Variants in MMP26 observed in about 807,000 individuals in gnomAD.
The protein encoded by MMP26 is matrix metallopeptidase 26.
MMP26 carries 33 observed loss-of-function variants against 31.0 expected under a neutral mutation model. The ratio of observed to expected loss-of-function variants is 1.06; its 90% CI spans 0.81 to 1.42. MMP26 has a LOEUF of 1.42. Among genes scored for constraint, MMP26 ranks in the 40% most tolerant of loss-of-function variants. The probability of loss-of-function intolerance (pLI) is 0.00; values close to 1 mark genes in which losing one functional copy is unlikely to be tolerated. For synonymous variants in MMP26, 122 were observed against 114.9 expected, an observed-to-expected ratio of 1.06 and a Z score of -0.40; for missense variants, 347 against 316.1, an observed-to-expected ratio of 1.10 and a Z score of -0.74.
intron 2 of MMP26, among the ~76,000 whole-genome samples, chr11:4,886,354 C>T (rs12294845): frequency 4.6e-5 from 7 of 152,096 alleles, no homozygotes; most frequent in African/African-American, 1.2e-4. Context: ...CATTAAACTT[C>T]GTAAGTCTTT....
intron 2 of MMP26, chr11:4,804,519 TA>T (rs1849237572): frequency 1.3e-6 from 1 of 791,296 alleles, no homozygotes; most frequent in Non-Finnish European, 2.3e-6. Flanking sequence ...GATTATAAAC[TA>T]GAATAATTTC....
rs1846404728 is a variant in MMP26, at chr11:4,954,301, C to T, written c.-144-33767C>T. On this transcript the variant is annotated intron_variant, in intron 2 of 7. Transcript: ENST00000380390. ...GGGTACTATGCTCACTACCTGGGTC[C>T]AATACCCATGTAAAAATCCAACCCA... 1.6e-5 allele frequency among the ~76,000 whole-genome samples: 2 copies of T among 123,524 alleles called. 1 individual carries two copies. The highest frequency in any genetic ancestry group is 5.5e-5 in the African/African-American group (2 of 36,252). The allele number at this position is 123,524 out of a possible 152,430, so 81.0% of individuals were successfully genotyped here.
At chr11:4,825,706 C>A (rs796328376) in intron 2 of MMP26, among the ~76,000 whole-genome samples, 3 of 152,056 alleles carry the variant, frequency 2.0e-5, no homozygotes, top group African/African-American at 7.2e-5. Flanking sequence ...AATTGTGATG[C>A]CATTGAATTT....
At chr11:4,906,485 T>A (rs1356969661) in intron 2 of MMP26, among the ~76,000 whole-genome samples, 3 of 152,202 alleles carry the variant, frequency 2.0e-5, no homozygotes, top group Non-Finnish European at 4.4e-5. Flanking sequence ...TGATGTAACA[T>A]GTATATTTAC....
chr11:4,915,661 C>T (rs972806573), intron 2 of MMP26: 2 of 1,608,432 alleles, frequency 1.2e-6, no homozygotes, highest in East Asian at 2.2e-5. Flanking sequence ...ATCCCAGGGT[C>T]ATTGTGTGAG....
intron 1 of MMP26, among the ~76,000 whole-genome samples, chr11:4,708,815 C>T (rs1462222291): frequency 6.6e-6 from 1 of 152,166 alleles, no homozygotes. Context: ...CAGTTATTAT[C>T]CATGACTTTC....
intron 1 of MMP26, among the ~76,000 whole-genome samples, chr11:4,746,899 G>A (rs1848389468): frequency 6.6e-6 from 1 of 150,666 alleles, no homozygotes; most frequent in African/African-American, 2.5e-5. Flanking sequence ...TTGGAATAAT[G>A]TTCTTGGTCT....
At chr11:4,710,189 T>A in intron 1 of MMP26, 1 of 456,816 alleles carries the variant, frequency 2.2e-6, no homozygotes, top group Non-Finnish European at 4.4e-6. Context: ...TTGTTATCTC[T>A]ACTGCTGGCT....
intron 2 of MMP26, chr11:4,877,921 C>A (rs937570185): frequency 1.3e-5 from 2 of 152,030 alleles, no homozygotes; most frequent in African/African-American, 4.8e-5. Flanking sequence ...TTTGGTATAT[C>A]GTTTTACAAG....
At chr11:4,791,742 A>T (rs1250734189) in intron 2 of MMP26, among the ~76,000 whole-genome samples, 3 of 152,094 alleles carry the variant, frequency 2.0e-5, no homozygotes, top group Non-Finnish European at 4.4e-5. Context: ...TGAATTGAGT[A>T]TTTCAAAAAG....
At chr11:4,958,954 A>T (rs1031253041) in intron 2 of MMP26, among the ~76,000 whole-genome samples, 1 of 152,176 alleles carries the variant, frequency 6.6e-6, no homozygotes, top group Non-Finnish European at 1.5e-5. Flanking sequence ...AATGCAGAAG[A>T]TAGGCCGGGC....
intron 2 of MMP26, among the ~76,000 whole-genome samples, chr11:4,910,963 C>T (rs1173992562): frequency 6.6e-6 from 1 of 152,164 alleles, no homozygotes; most frequent in African/African-American, 2.4e-5. Flanking sequence ...TTCCTTTCCT[C>T]CTGCTACAAT....
At chr11:4,882,613 A>C (rs748966361) in intron 2 of MMP26, 43 of 1,613,936 alleles carry the variant, frequency 2.7e-5, no homozygotes, top group Non-Finnish European at 3.6e-5. Context: ...AGCAACAAAA[A>C]GCTCTCAGCA....
chr11:4,849,899 T>C (rs1589919134), intron 2 of MMP26, among the ~76,000 whole-genome samples: 3 of 152,202 alleles, frequency 2.0e-5, no homozygotes, highest in Non-Finnish European at 4.4e-5. Context: ...GTGCATGTGG[T>C]ATTTTGTTAC....
chr11:4,716,650 CTTTTTTTTTTTTTTTTTTT>C (rs71050424), intron 1 of MMP26, among the ~76,000 whole-genome samples: 1 of 65,004 alleles, frequency 1.5e-5, no homozygotes, highest in African/African-American at 6.8e-5. Flanking sequence ...TCTCTTACCT[CTTTTTTTTTTTTTTTTTTT>C]TTTTTTTTTG....
intron 2 of MMP26, chr11:4,923,969 C>A: frequency 1.9e-6 from 3 of 1,613,948 alleles, no homozygotes; most frequent in South Asian, 1.1e-5. Flanking sequence ...GGCCACGTAG[C>A]GGTCAATGGA....
intron 2 of MMP26, chr11:4,938,267 C>T (rs970292981): frequency 4.6e-5 from 7 of 152,014 alleles, no homozygotes; most frequent in Non-Finnish European, 1.0e-4. Flanking sequence ...CTAAGGACTT[C>T]CATTTTTGTG....
At chr11:4,840,645 C>A (rs1294884812) in intron 2 of MMP26, among the ~76,000 whole-genome samples, 1 of 152,196 alleles carries the variant, frequency 6.6e-6, no homozygotes, top group African/African-American at 2.4e-5. Context: ...AAAGTAGATA[C>A]AACTTAGATC....
chr11:4,828,970 C>T (rs975225750), intron 2 of MMP26, among the ~76,000 whole-genome samples: 1 of 152,088 alleles, frequency 6.6e-6, no homozygotes, highest in Non-Finnish European at 1.5e-5. Context: ...CACCCATCTG[C>T]CCGGGAGTTT....
Sources: gnomAD v4.1 joint callset for allele counts (sites outside exome capture counted in the v4.1 genomes callset) on GRCh38, gnomAD v4.1.1 for gene constraint, MANE v1.5 for transcripts, NCBI Gene and HGNC (gene_info 2026-07-23, HGNC 2026-07-21) for gene names.